The following GAL3ST2 variants were observed in gnomAD, a reference collection of about 807,000 sequenced individuals.
GAL3ST2 encodes the protein beta-galactose-3-O-sulfotransferase 2.
In GAL3ST2, 16 loss-of-function variants were observed where a neutral mutation model predicts 12.9. The ratio of observed to expected loss-of-function variants is 1.24; its 90% CI spans 0.84 to 1.88. The LOEUF (loss-of-function observed/expected upper bound fraction) is 1.88. Ranked by LOEUF, GAL3ST2 falls within the 40% of genes most tolerant of loss-of-function variation. The pLI is 0.00. For missense variants in GAL3ST2, 639 were observed against 571.8 expected, an observed-to-expected ratio of 1.12 and a Z score of -1.20; for synonymous variants, 302 against 273.9, an observed-to-expected ratio of 1.10 and a Z score of -1.01.
intron 1 of GAL3ST2, among the ~76,000 whole-genome samples, chr2:241,777,543 C>T (rs1012888601): frequency 2.0e-5 from 3 of 152,142 alleles, no homozygotes; most frequent in Non-Finnish European, 2.9e-5. Context: ...GGATGCCTTG[C>T]GTTTTCCTTC....
chr2:241,789,479 T>G (rs899776577), intron 1 of GAL3ST2, among the ~76,000 whole-genome samples: 2 of 152,270 alleles, frequency 1.3e-5, no homozygotes, highest in Non-Finnish European at 2.9e-5. Flanking sequence ...TCCTTTAATA[T>G]GCAAATTTAA....
intron 1 of GAL3ST2, among the ~76,000 whole-genome samples, chr2:241,787,236 C>T (rs1276896901): frequency 6.6e-6 from 1 of 152,200 alleles, no homozygotes; most frequent in Non-Finnish European, 1.5e-5. Flanking sequence ...GCTCTGACTA[C>T]CTTGGACACA....
intron 1 of GAL3ST2, 148 bp downstream of exon 1, chr2:241,777,132 C>G (rs1358408409): frequency 2.8e-6 from 2 of 726,956 alleles, no homozygotes. Context: ...CTGAATTCAC[C>G]TGTCTTGGCT....
intron 1 of GAL3ST2, among the ~76,000 whole-genome samples, chr2:241,785,970 C>G (rs112637927): frequency 6.6e-6 from 1 of 152,166 alleles, no homozygotes; most frequent in Admixed American, 6.5e-5. Context: ...ATTTCACCTG[C>G]GACAAATTGC....
chr2:241,801,469 T>C lies in GAL3ST2; in HGVS notation c.120-312T>C, dbSNP rs1031870077. The C allele has an allele frequency of 4.3e-6, 2 of 460,120 alleles. No individual in the cohort carries two copies. Among genetic ancestry groups the C allele is most frequent in the South Asian group, 2.8e-5 (1 of 36,126 alleles). The allele number at this position is 460,120 out of a possible 1,614,324, so 28.5% of individuals were successfully genotyped here. ...GCTGGGAACTCAGTTTTAAGGTGGG[T>C]CTGGGGTCCCCTTGGCCAAGATGGG... is the stretch of plus-strand genomic sequence containing the variant. On this transcript the variant is annotated intron_variant, in intron 2 of 3. Coordinates refer to ENST00000192314, the MANE Select transcript of GAL3ST2 (RefSeq NM_022134.3). The surrounding 1 kb of genome is among the most constrained non-coding windows in gnomAD (Gnocchi z 4.4).
intron 1 of GAL3ST2, among the ~76,000 whole-genome samples, chr2:241,797,582 G>A (rs1485543725): frequency 4.0e-5 from 6 of 151,660 alleles, no homozygotes; most frequent in Admixed American, 2.6e-4. Flanking sequence ...CAGTGGGGCC[G>A]GGCAGAGCCA....
chr2:241,797,508 G>C (rs924433254), intron 1 of GAL3ST2, among the ~76,000 whole-genome samples: 1 of 152,242 alleles, frequency 6.6e-6, no homozygotes, highest in Middle Eastern at 3.2e-3. Context: ...CAAAAGGAGA[G>C]GAGTGCCGGG....
chr2:241,803,554 C>T lies in GAL3ST2; in HGVS notation c.585C>T (p.Phe195=). 1 of 1,606,336 alleles carries T rather than the reference C, an allele frequency of 6.2e-7. No individual in the cohort carries two copies. Among genetic ancestry groups the T allele is most frequent in the Non-Finnish European group, 8.5e-7 (1 of 1,176,532 alleles). The change falls in exon 4 of 4, where the codon TTC becomes TTT. Residue 195 remains phenylalanine (F), a synonymous_variant. Coordinates refer to ENST00000192314, the MANE Select transcript of GAL3ST2 (RefSeq NM_022134.3). ...RNVYAKNNMW[F]DFGFDPNAQC... ...TCTACGCCAAGAACAACATGTGGTT[C>T]GACTTCGGCTTCGACCCCAACGCGC...
In GAL3ST2 at chr2:241,801,588, C is replaced by T; in HGVS notation, c.120-193C>T. On this transcript the variant is annotated intron_variant, in intron 2 of 3. Coordinates refer to ENST00000192314, the MANE Select transcript of GAL3ST2 (RefSeq NM_022134.3). This position sits in a 1 kb window ranked among gnomAD's most constrained non-coding sequence, Gnocchi z 4.4. Reference sequence around the variant, plus strand: ...TTGGGGGAGTTTGTGTTCGGGCCACCAGCTGGGAGGTTGTGGAGTGGGGCA... The same window carrying T: ...TTGGGGGAGTTTGTGTTCGGGCCACTAGCTGGGAGGTTGTGGAGTGGGGCA... The T allele has an allele frequency of 1.5e-6, 1 of 673,340 alleles. No homozygotes were observed. The highest frequency in any genetic ancestry group is 2.5e-6 in the Non-Finnish European group (1 of 405,598). The allele number at this position is 673,340 out of a possible 1,614,324, so 41.7% of individuals were successfully genotyped here.
chr2:241,803,811 G>T lies in GAL3ST2; in HGVS notation c.842G>T (p.Arg281Leu). Reference sequence around the variant, plus strand: ...CGGAGCTGGTGCGCGCTGGACTGGCGCCTGTACGAGCATTTCAACCGCACC... The same window carrying T: ...CGGAGCTGGTGCGCGCTGGACTGGCTCCTGTACGAGCATTTCAACCGCACC... ...RARSWCALDWRLYEHFNRTLW... is the reference protein window; with the variant it reads ...RARSWCALDWLLYEHFNRTLW... The change falls in exon 4 of 4, where the codon CGC becomes CTC. Residue 281 changes from arginine to leucine, a missense_variant. Arg to Leu is a moderately radical substitution (Grantham distance 102). Transcript: ENST00000192314. 1 of 1,494,684 alleles carries T rather than the reference G, an allele frequency of 6.7e-7. No homozygotes were observed. Among genetic ancestry groups the T allele is most frequent in the Non-Finnish European group, 8.8e-7 (1 of 1,130,358 alleles). 92.6% of individuals were successfully genotyped at this position (1,494,684 alleles called of 1,614,324 possible).
At position 241,793,524 on chromosome 2, in the gene GAL3ST2, ATT is replaced by A. The variant is rs1699727091; in HGVS notation, c.30-5540_30-5539del. ...TATGTGTGTGTATATGTATGTGTGT[ATT>A]GTGTTTATATGTATGTGTGTATATG... On this transcript the variant is annotated intron_variant, in intron 1 of 3. Transcript: ENST00000192314. The surrounding 1 kb of genome is among the most constrained non-coding windows in gnomAD (Gnocchi z 4.7). Among the ~76,000 whole-genome samples, 1 of 138,304 alleles carries A rather than the reference ATT, an allele frequency of 7.2e-6. No individual in the cohort carries two copies. The highest frequency in any genetic ancestry group is 1.5e-5 in the Non-Finnish European group (1 of 65,810). The allele number at this position is 138,304 out of a possible 152,430, so 90.7% of individuals were successfully genotyped here. A position where few individuals can be genotyped will look rare whatever the true frequency, so the allele number is the denominator to read the frequency against.
chr2:241,796,070 G>A (rs185910336), intron 1 of GAL3ST2, among the ~76,000 whole-genome samples: 1 of 152,320 alleles, frequency 6.6e-6, no homozygotes, highest in Non-Finnish European at 1.5e-5. Context: ...AATTTTGGGA[G>A]GTCCTAGTTC....
rs1699733922 is a variant in GAL3ST2 at position 241,793,688 on chromosome 2, T to TGTGTATATGTGTATGTAC, written c.30-5374_30-5357dup. On this transcript the variant is annotated intron_variant, in intron 1 of 3. Coordinates refer to ENST00000192314, the MANE Select transcript of GAL3ST2 (RefSeq NM_022134.3). This position sits in a 1 kb window ranked among gnomAD's most constrained non-coding sequence, Gnocchi z 4.7. ...TGTGTATGCACATATTGTGTATGTGTGTGTATATGTGTATGTACGTATTGT... is the reference window on the plus strand; with the variant it reads ...TGTGTATGCACATATTGTGTATGTGTGTGTATATGTGTATGTACGTGTATATGTGTATGTACGTATTGT... Among the ~76,000 whole-genome samples the TGTGTATATGTGTATGTAC allele has an allele frequency of 1.3e-5, 2 of 152,016 alleles. No homozygotes were observed. Among genetic ancestry groups the TGTGTATATGTGTATGTAC allele is most frequent in the African/African-American group, 4.8e-5 (2 of 41,364 alleles).
chr2:241,780,143 C>T (rs1699549190), intron 1 of GAL3ST2, among the ~76,000 whole-genome samples: 1 of 152,166 alleles, frequency 6.6e-6, no homozygotes, highest in South Asian at 2.1e-4. Flanking sequence ...AATTAGAATT[C>T]AGTCCAAACT....
rs1402480950 is a variant in GAL3ST2, at chr2:241,803,794, G to C, written c.825G>C (p.Trp275Cys). 6.6e-7 allele frequency: 1 copy of C among 1,505,334 alleles called. No individual in the cohort carries two copies. Among genetic ancestry groups the C allele is most frequent in the Non-Finnish European group, 8.8e-7 (1 of 1,134,188 alleles). 93.2% of individuals were successfully genotyped at this position (1,505,334 alleles called of 1,614,324 possible). The change falls in exon 4 of 4, where the codon TGG becomes TGC. Residue 275 changes from tryptophan to cysteine, a missense_variant. By Grantham distance (215) the Trp-to-Cys change is radical. Coordinates refer to ENST00000192314, the MANE Select transcript of GAL3ST2 (RefSeq NM_022134.3). ...AGACCCGGGAGCGCGCGCGGAGCTG[G>C]TGCGCGCTGGACTGGCGCCTGTACG... The part of the protein sequence containing the change: ...SPETRERARS[W>C]CALDWRLYEH...
rs971138251 is a variant in GAL3ST2 at position 241,801,847 on chromosome 2, G to C, written c.186G>C (p.Thr62=). Residue 62 remains threonine, a synonymous_variant, in exon 3 of 4, where the codon ACG becomes ACC. Transcript: ENST00000192314. The surrounding 1 kb of genome is among the most constrained non-coding windows in gnomAD (Gnocchi z 4.4). ...TCATGTTCCTGAAGACGCACAAGACGGCCAGCAGCACGGTGCTCAACATCC... is the reference window on the plus strand; with the variant it reads ...TCATGTTCCTGAAGACGCACAAGACCGCCAGCAGCACGGTGCTCAACATCC... ...TNIMFLKTHK[T]ASSTVLNILY... 1.9e-6 allele frequency: 3 copies of C among 1,612,960 alleles called. No homozygotes were observed. In the African/African-American group the frequency reaches 4.0e-5, roughly 21 times the overall value.
intron 1 of GAL3ST2, among the ~76,000 whole-genome samples, chr2:241,796,955 G>T (rs1404644303): frequency 6.6e-6 from 1 of 152,196 alleles, no homozygotes; most frequent in African/African-American, 2.4e-5. Context: ...GAGGCCCTGA[G>T]GGCTGCCCCG....
rs1699857906 is a variant in GAL3ST2 at position 241,802,033 on chromosome 2, T to G, written c.372T>G (p.Pro124=). 1 of 1,609,074 alleles carries G rather than the reference T, an allele frequency of 6.2e-7. No individual in the cohort carries two copies. The highest frequency in any genetic ancestry group is 1.3e-5 in the African/African-American group (1 of 74,820). The change falls in exon 3 of 4, where the codon CCT becomes CCG. Residue 124 remains proline, a synonymous_variant. Transcript: ENST00000192314. This position sits in a 1 kb window ranked among gnomAD's most constrained non-coding sequence, Gnocchi z 4.8. ...IMCNHLRFNL[P]QVQKVMPNDT... ...GCAACCACCTGAGGTTCAACCTGCC[T>G]CAGGTACCGCGGGCCTGCTGGGGAG... is the stretch of plus-strand genomic sequence containing the variant.
chr2:241,793,724 GTGTA>G lies in GAL3ST2; in HGVS notation c.30-5337_30-5334del, dbSNP rs1259139412. On this transcript the variant is annotated intron_variant, in intron 1 of 3. Coordinates refer to ENST00000192314, the MANE Select transcript of GAL3ST2 (RefSeq NM_022134.3). The surrounding 1 kb of genome is among the most constrained non-coding windows in gnomAD (Gnocchi z 4.7). ...GTATGTACGTATTGTGTATGCATGT[GTGTA>G]TGTGTGTATATGTATGTGTGTGTGT... Among the ~76,000 whole-genome samples the G allele has an allele frequency of 1.6e-4, 24 of 151,664 alleles. No homozygotes were observed. Among genetic ancestry groups the G allele is most frequent in the African/African-American group, 5.3e-4 (22 of 41,384 alleles).
Sources: allele counts gnomAD v4.1 joint callset (sites outside exome capture counted in the v4.1 genomes callset), GRCh38; gene constraint gnomAD v4.1.1; non-coding constraint Gnocchi (gnomAD v3.1); transcripts MANE v1.5; gene names NCBI Gene and HGNC (gene_info 2026-07-23, HGNC 2026-07-21).